THRB: variants seen among roughly 807,000 people sequenced by gnomAD.
The protein encoded by THRB is thyroid hormone receptor beta, also known as nuclear receptor subfamily 1 group A member 2.
A neutral mutation model predicts 47.8 loss-of-function variants in THRB; 12 were observed. The ratio of observed to expected loss-of-function variants is 0.25; its 90% confidence interval spans 0.16 to 0.41. The LOEUF is 0.41. Among genes scored for constraint, THRB ranks in the 10% least tolerant of loss-of-function variants. The pLI, the probability that THRB is intolerant of heterozygous loss-of-function variation, is 1.00. For synonymous variants in THRB, 218 were observed against 212.2 expected (o/e 1.03, Z -0.24); for missense variants, 348 against 589.2 (o/e 0.59, Z 4.24).
intron 1 of THRB, among the ~76,000 whole-genome samples, chr3:24,410,837 T>A (rs909651750): frequency 5.3e-5 from 8 of 151,884 alleles, no homozygotes; most frequent in African/African-American, 1.9e-4. Context: ...AACAAAAAAG[T>A]CTTTGCCTGA....
At chr3:24,440,003 G>A (rs2071375084) in intron 1 of THRB, among the ~76,000 whole-genome samples, 1 of 152,202 alleles carries the variant, frequency 6.6e-6, no homozygotes, top group Non-Finnish European at 1.5e-5. Flanking sequence ...TTCAATTAAT[G>A]CAGTCTAAAA....
chr3:24,495,047 C>T (rs1467393177), upstream of THRB: 1 of 152,298 alleles, frequency 6.6e-6, no homozygotes, highest in Non-Finnish European at 1.5e-5. Context: ...TAGGAAGCTA[C>T]TGCGGCTGGG....
At chr3:24,344,945 T>C (rs1454949918) in intron 1 of THRB, among the ~76,000 whole-genome samples, 1 of 151,942 alleles carries the variant, frequency 6.6e-6, no homozygotes. Context: ...TGTAAACATA[T>C]CCACAAAAGA....
chr3:24,183,348 TTCTTTTTCTTTTTTCTTTTC>T (rs369734162), intron 5 of THRB, among the ~76,000 whole-genome samples: 27,726 of 137,856 alleles, frequency 0.2, 2,446 homozygotes, highest in Admixed American at 0.26. Context: ...TTTTCTTTTC[TTCTTTTTCTTTTTTCTTTTC>T]TTTTTTTTTT....
intron 4 of THRB, among the ~76,000 whole-genome samples, chr3:24,211,754 G>A (rs1408569936): frequency 2.0e-5 from 3 of 152,180 alleles, no homozygotes; most frequent in Non-Finnish European, 4.4e-5. Flanking sequence ...ACTTCATGAA[G>A]TCTTTATCTT....
chr3:24,327,981 T>C (rs2061696306), intron 2 of THRB, among the ~76,000 whole-genome samples: 1 of 152,116 alleles, frequency 6.6e-6, no homozygotes, highest in South Asian at 2.1e-4. Flanking sequence ...ATCAATACCC[T>C]ATAGGAAATG....
intron 1 of THRB, among the ~76,000 whole-genome samples, chr3:24,421,193 T>C (rs1025991420): frequency 2.0e-5 from 3 of 151,714 alleles, no homozygotes; most frequent in African/African-American, 4.8e-5. Context: ...AGTGGGCCTA[T>C]TGGAGGGTGT....
At chr3:24,383,711 A>C (rs1173832805) in intron 1 of THRB, among the ~76,000 whole-genome samples, 1 of 152,144 alleles carries the variant, frequency 6.6e-6, no homozygotes, top group East Asian at 1.9e-4. Flanking sequence ...TCTTCTAATA[A>C]GCATTCTTCT....
At chr3:24,163,607 T>G (rs1321351823) in intron 5 of THRB, among the ~76,000 whole-genome samples, 1 of 152,178 alleles carries the variant, frequency 6.6e-6, no homozygotes, top group Non-Finnish European at 1.5e-5. Flanking sequence ...AAAGTTAAAT[T>G]ACTTATACTA....
chr3:24,440,990 A>T (rs2071471496), intron 1 of THRB, among the ~76,000 whole-genome samples: 1 of 152,190 alleles, frequency 6.6e-6, no homozygotes. Context: ...GCTGAAATCA[A>T]GGTGTTAGCT....
chr3:24,327,721 G>A (rs936308620), intron 2 of THRB, among the ~76,000 whole-genome samples: 32 of 152,312 alleles, frequency 2.1e-4, no homozygotes, highest in South Asian at 8.3e-4. Context: ...ACTGTCAAGA[G>A]CTGTCCTTGT....
chr3:24,138,970 A>G (rs1012488140), intron 8 of THRB, among the ~76,000 whole-genome samples: 2 of 152,250 alleles, frequency 1.3e-5, no homozygotes, highest in African/African-American at 2.4e-5. Context: ...AATGATGTCA[A>G]TAGACAAGAT....
chr3:24,187,799 C>T lies in THRB; in HGVS notation c.283+2275G>A, dbSNP rs181561654. 3.7e-3 allele frequency among the ~76,000 whole-genome samples: 567 copies of T among 152,306 alleles called. 2 individuals are homozygous for T. The highest frequency in any genetic ancestry group is 5.9e-3 in the Non-Finnish European group (400 of 68,020). ...ACTCTATAAGGAAAGACTGTATAAT[C>T]TTGTTGCTGTCCTGGACTCACTGCT... is the stretch of plus-strand genomic sequence containing the variant. On this transcript the variant is annotated intron_variant, in intron 5 of 10. Coordinates refer to ENST00000646209, the MANE Select transcript of THRB (RefSeq NM_001354712.2).
intron 3 of THRB, among the ~76,000 whole-genome samples, chr3:24,279,435 G>T (rs1469454510): frequency 1.3e-5 from 2 of 151,804 alleles, no homozygotes; most frequent in Non-Finnish European, 2.9e-5. Flanking sequence ...CCAGGCTGGA[G>T]GTGCAGTGGT....
intron 1 of THRB, among the ~76,000 whole-genome samples, chr3:24,375,165 T>C (rs1181075905): frequency 6.6e-6 from 1 of 151,806 alleles, no homozygotes; most frequent in Admixed American, 6.6e-5. Flanking sequence ...CAAACTTCTA[T>C]ACAGAAAGCC....
intron 3 of THRB, among the ~76,000 whole-genome samples, chr3:24,256,603 C>T (rs561074964): frequency 6.6e-6 from 1 of 152,008 alleles, no homozygotes; most frequent in African/African-American, 2.4e-5. Context: ...GGAGTCCCAT[C>T]TGGAAGGAGA....
intron 1 of THRB, among the ~76,000 whole-genome samples, chr3:24,461,488 T>C (rs1198329702): frequency 6.6e-6 from 1 of 152,242 alleles, no homozygotes; most frequent in African/African-American, 2.4e-5. Flanking sequence ...GGCAGAGGAC[T>C]TATCTGCCAA....
At chr3:24,248,359 G>A (rs561684957) in intron 3 of THRB, among the ~76,000 whole-genome samples, 1 of 152,230 alleles carries the variant, frequency 6.6e-6, no homozygotes, top group South Asian at 2.1e-4. Context: ...TTCTCGAAAA[G>A]CCAAGAGATA....
rs550191729 is a variant in THRB at position 24,129,246 on chromosome 3, G to GT, written c.886-1490dup. ...ATTTGCTTTTGTCTAGGTTCTGATT[G>GT]TTAAACACAGATTGCTGACCCCAAC... On this transcript the variant is annotated intron_variant, in intron 9 of 10. Coordinates refer to ENST00000646209, the MANE Select transcript of THRB (RefSeq NM_001354712.2). Among the ~76,000 whole-genome samples, 17 of 152,184 alleles carry GT rather than the reference G, an allele frequency of 1.1e-4. 1 individual carries two copies. The highest frequency in any genetic ancestry group is 1.0e-3 in the Admixed American group (16 of 15,294).
Sources: gnomAD v4.1 joint callset for allele counts (sites outside exome capture counted in the v4.1 genomes callset) on GRCh38, gnomAD v4.1.1 for gene constraint, MANE v1.5 for transcripts, NCBI Gene and HGNC (gene_info 2026-07-23, HGNC 2026-07-21) for gene names.